The following CTNND2 variants were observed in gnomAD, a reference collection of about 807,000 sequenced individuals.
The protein encoded by CTNND2 is catenin delta 2.
Under a neutral mutation model 144.4 loss-of-function variants are expected in CTNND2, and 22 were observed. The ratio of observed to expected loss-of-function variants is 0.15; its 90% CI spans 0.11 to 0.22. CTNND2 has a LOEUF of 0.22. Ranked by LOEUF, CTNND2 falls within the 10% of genes least tolerant of loss-of-function variation. The pLI is 1.00. For missense variants in CTNND2, 1,353 were observed against 1,618.8 expected (o/e 0.84, Z 2.82); for synonymous variants, 751 against 695.6 (o/e 1.08, Z -1.25).
chr5:10,974,826 T>C (rs548931425), intron 21 of CTNND2, among the ~76,000 whole-genome samples: 7 of 152,362 alleles, frequency 4.6e-5, no homozygotes, highest in African/African-American at 1.7e-4. Flanking sequence ...ATTAGCACGT[T>C]GTGTGTAAAT....
intron 12 of CTNND2, among the ~76,000 whole-genome samples, chr5:11,150,352 C>T (rs565320713): frequency 1.3e-5 from 2 of 152,256 alleles, no homozygotes; most frequent in South Asian, 2.1e-4. Flanking sequence ...GGGACAAAGT[C>T]GTTATCCTAG....
At chr5:10,977,952 C>T (rs1446579028) in intron 21 of CTNND2, among the ~76,000 whole-genome samples, 2 of 152,228 alleles carry the variant, frequency 1.3e-5, no homozygotes, top group African/African-American at 4.8e-5. Context: ...TCTTTCTCAG[C>T]TCTCACTGTC....
At chr5:11,786,116 G>C (rs1403047482) in intron 1 of CTNND2, among the ~76,000 whole-genome samples, 2 of 152,222 alleles carry the variant, frequency 1.3e-5, no homozygotes, top group African/African-American at 4.8e-5. Flanking sequence ...CGCGGCAGCA[G>C]GGCTGAGCTC....
intron 3 of CTNND2, among the ~76,000 whole-genome samples, chr5:11,427,968 GC>G (rs1183201815): frequency 6.6e-6 from 1 of 152,148 alleles, no homozygotes; most frequent in Non-Finnish European, 1.5e-5. Flanking sequence ...GAGGCGAAAG[GC>G]ACTTCTTACA....
At chr5:11,832,638 A>G (rs567875516) in intron 1 of CTNND2, among the ~76,000 whole-genome samples, 35 of 152,242 alleles carry the variant, frequency 2.3e-4, no homozygotes, top group African/African-American at 8.2e-4. Flanking sequence ...ACTAAAATGG[A>G]TAAAATAAAA....
At chr5:11,637,124 T>A (rs1259957415) in intron 2 of CTNND2, among the ~76,000 whole-genome samples, 1 of 152,180 alleles carries the variant, frequency 6.6e-6, no homozygotes, top group Non-Finnish European at 1.5e-5. Context: ...TTTATATATT[T>A]TTTAAGAAAA....
chr5:11,444,489 A>G (rs1764628520), intron 3 of CTNND2, among the ~76,000 whole-genome samples: 2 of 152,060 alleles, frequency 1.3e-5, no homozygotes, highest in African/African-American at 4.8e-5. Context: ...AAAATAAGGA[A>G]GTATAAGATG....
At chr5:11,298,703 GC>G (rs1749265125) in intron 9 of CTNND2, among the ~76,000 whole-genome samples, 1 of 152,142 alleles carries the variant, frequency 6.6e-6, no homozygotes, top group African/African-American at 2.4e-5. Flanking sequence ...TTCATGCACT[GC>G]CTGTATAGAA....
At chr5:11,141,056 G>C (rs1756676756) in intron 12 of CTNND2, among the ~76,000 whole-genome samples, 1 of 152,116 alleles carries the variant, frequency 6.6e-6, no homozygotes, top group Non-Finnish European at 1.5e-5. Flanking sequence ...CCAGGCTCAA[G>C]CGATCCTCTG....
intron 2 of CTNND2, among the ~76,000 whole-genome samples, chr5:11,636,328 C>T (rs1037579917): frequency 6.6e-6 from 1 of 152,138 alleles, no homozygotes; most frequent in Non-Finnish European, 1.5e-5. Flanking sequence ...CTTCTCTTTC[C>T]TCTCATTCCA....
At chr5:11,591,983 C>G (rs1207492594) in intron 2 of CTNND2, among the ~76,000 whole-genome samples, 2 of 151,700 alleles carry the variant, frequency 1.3e-5, no homozygotes, top group Non-Finnish European at 2.9e-5. Flanking sequence ...TGCTACCCAC[C>G]CCCCAACCCC....
chr5:11,469,018 G>A (rs1766921390), intron 3 of CTNND2, among the ~76,000 whole-genome samples: 2 of 152,148 alleles, frequency 1.3e-5, no homozygotes, highest in African/African-American at 4.8e-5. Context: ...CAGGTCTGGA[G>A]TTTGGGTTTC....
chr5:11,845,547 C>T (rs186401196), intron 1 of CTNND2, among the ~76,000 whole-genome samples: 1 of 152,124 alleles, frequency 6.6e-6, no homozygotes, highest in Admixed American at 6.5e-5. Flanking sequence ...GACACAAAAG[C>T]AAAGAAACAG....
intron 2 of CTNND2, among the ~76,000 whole-genome samples, chr5:11,673,212 C>G (rs1196830338): frequency 3.9e-5 from 6 of 152,092 alleles, no homozygotes; most frequent in Non-Finnish European, 1.5e-5. Context: ...CTTACACAGT[C>G]TTTTTATATG....
intron 3 of CTNND2, among the ~76,000 whole-genome samples, chr5:11,450,220 C>G (rs1765180282): frequency 6.6e-6 from 1 of 152,098 alleles, no homozygotes; most frequent in Non-Finnish European, 1.5e-5. Context: ...CTTGGGCTGC[C>G]CCACATGAGA....
intron 1 of CTNND2, among the ~76,000 whole-genome samples, chr5:11,847,131 TATATATATATATATA>T: frequency 1.1e-4 from 1 of 9,106 alleles, no homozygotes; most frequent in Admixed American, 5.8e-4. Flanking sequence ...AAAGATTTTA[TATATATATATATATA>T]TATATATATA....
At chr5:11,392,731 C>T (rs28477340) in intron 6 of CTNND2, among the ~76,000 whole-genome samples, 4,547 of 152,238 alleles carry the variant, frequency 0.03, 189 homozygotes, top group African/African-American at 0.095. Flanking sequence ...CCTGCAAATA[C>T]GGGCCAAGGA....
intron 2 of CTNND2, among the ~76,000 whole-genome samples, chr5:11,653,766 T>TC (rs1042156330): frequency 2.6e-5 from 4 of 151,812 alleles, no homozygotes; most frequent in African/African-American, 7.3e-5. Context: ...TTTTTTTTTT[T>TC]CCCTTTTGGT....
intron 3 of CTNND2, 95 bp from the exon 4 acceptor site, chr5:11,412,164 C>A: frequency 1.1e-6 from 1 of 874,520 alleles, no homozygotes; most frequent in Non-Finnish European, 1.9e-6. Context: ...AGGGTAGTAA[C>A]AGTGGCCCCG....
Sources: allele counts gnomAD v4.1 joint callset (sites outside exome capture counted in the v4.1 genomes callset), GRCh38; gene constraint gnomAD v4.1.1; transcripts MANE v1.5; gene names NCBI Gene and HGNC (gene_info 2026-07-23, HGNC 2026-07-21).